Variants in MERTK observed in about 807,000 individuals in gnomAD.
The protein encoded by MERTK is tyrosine-protein kinase Mer.
In MERTK, 69 loss-of-function variants were observed where a neutral mutation model predicts 99.3. That is an observed-to-expected ratio of 0.70 (90% CI 0.57 to 0.85). The LOEUF is 0.85. Among genes scored for constraint, MERTK ranks in the 40% least tolerant of loss-of-function variants. MERTK has a pLI of 0.00. For synonymous variants in MERTK, 426 were observed against 467.6 expected (o/e 0.91, Z 1.15); for missense variants, 1,125 against 1,249.4 (o/e 0.90, Z 1.50).
chr2:112,012,211 G>C (rs1173809072), intron 15 of MERTK, among the ~76,000 whole-genome samples: 1 of 152,080 alleles, frequency 6.6e-6, no homozygotes, highest in Non-Finnish European at 1.5e-5. Flanking sequence ...ATTGTGCAGA[G>C]AAATGTGCAT....
At chr2:111,927,438 T>C (rs2104684483) in intron 1 of MERTK, among the ~76,000 whole-genome samples, 1 of 152,326 alleles carries the variant, frequency 6.6e-6, no homozygotes, top group East Asian at 1.9e-4. Flanking sequence ...GCCAATTAAA[T>C]ACTTAACTGA....
At chr2:111,901,954 G>T (rs1049011191) in intron 1 of MERTK, among the ~76,000 whole-genome samples, 1 of 151,890 alleles carries the variant, frequency 6.6e-6, no homozygotes, top group African/African-American at 2.4e-5. Flanking sequence ...GCACAATCTC[G>T]GCTCACCGCA....
chr2:111,999,177 A>G (rs1231593173), intron 10 of MERTK, among the ~76,000 whole-genome samples: 5 of 152,214 alleles, frequency 3.3e-5, no homozygotes, highest in Admixed American at 3.3e-4. Context: ...TAATCTATGT[A>G]CCTAAGGTAA....
intron 15 of MERTK, 82 bp downstream of exon 15, chr2:112,010,148 A>G: frequency 9.3e-7 from 1 of 1,073,814 alleles, no homozygotes; most frequent in Non-Finnish European, 1.4e-6. Context: ...TCTAATCTTG[A>G]AAGTGAAGCC....
intron 15 of MERTK, among the ~76,000 whole-genome samples, chr2:112,014,938 C>T (rs1677187905): frequency 6.6e-6 from 1 of 152,162 alleles, no homozygotes; most frequent in Non-Finnish European, 1.5e-5. Context: ...TGCACCCGGC[C>T]ATTTTATAAC....
chr2:112,017,504 C>G (rs1238095724), intron 15 of MERTK, among the ~76,000 whole-genome samples: 1 of 152,040 alleles, frequency 6.6e-6, no homozygotes, highest in Non-Finnish European at 1.5e-5. Context: ...GTGGTGCATG[C>G]CTGTAATACC....
chr2:111,929,088 A>G, intron 1 of MERTK, 32 bp from the exon 2 acceptor site: 8 of 1,613,940 alleles, frequency 5.0e-6, no homozygotes, highest in Non-Finnish European at 6.8e-6. Context: ...TTCTTATTTA[A>G]AAGGCTAAAA....
intron 13 of MERTK, 62 bp downstream of exon 13, chr2:112,004,046 T>A: frequency 7.2e-7 from 1 of 1,388,030 alleles, no homozygotes; most frequent in East Asian, 2.3e-5. Context: ...TATTGGGTGC[T>A]CCATGAGGCC....
intron 7 of MERTK, among the ~76,000 whole-genome samples, chr2:111,982,625 T>C (rs896108100): frequency 7.9e-5 from 12 of 152,214 alleles, no homozygotes. Context: ...GAAATGAATT[T>C]CTAGGCTTCA....
chr2:111,930,476 A>C (rs1684650466), intron 2 of MERTK: 1 of 152,044 alleles, frequency 6.6e-6, no homozygotes, highest in African/African-American at 2.4e-5. Context: ...AAAAAAAAAA[A>C]ACCCCCAAAA....
intron 1 of MERTK, among the ~76,000 whole-genome samples, chr2:111,910,610 G>GTGTATATATA (rs370882764): frequency 1.4e-5 from 2 of 143,588 alleles, no homozygotes; most frequent in Non-Finnish European, 3.0e-5. Context: ...GTGTGTGTGT[G>GTGTATATATA]TATATATATA....
chr2:111,920,645 T>TTTTA (rs961773115), intron 1 of MERTK, among the ~76,000 whole-genome samples: 36 of 152,018 alleles, frequency 2.4e-4, no homozygotes, highest in South Asian at 4.2e-4. Flanking sequence ...CTACTCTTTA[T>TTTTA]TTTATTTATT....
intron 18 of MERTK, among the ~76,000 whole-genome samples, chr2:112,024,644 T>G (rs1267256392): frequency 1.3e-5 from 2 of 152,208 alleles, no homozygotes; most frequent in Non-Finnish European, 2.9e-5. Flanking sequence ...TAAAATGAAC[T>G]CAGGCTGAGT....
At chr2:112,002,229 T>G (rs1327245370) in intron 11 of MERTK, among the ~76,000 whole-genome samples, 2 of 152,052 alleles carry the variant, frequency 1.3e-5, no homozygotes, top group Non-Finnish European at 2.9e-5. Flanking sequence ...TATATTTTAT[T>G]ATAGAAAAAT....
intron 1 of MERTK, among the ~76,000 whole-genome samples, chr2:111,908,610 T>C (rs1261677925): frequency 6.6e-6 from 1 of 152,214 alleles, no homozygotes; most frequent in Non-Finnish European, 1.5e-5. Context: ...TCAGTTACAT[T>C]TGATTGCATA....
In MERTK at chr2:111,898,813, G is replaced by T; in HGVS notation, c.61+17G>T. The stretch of plus-strand genomic sequence containing the variant: ...GGCGTAGAGGTGAGTGCGCCCGGCT[G>T]GGGGCCAGGCGAGGGGGTGGGGGCT... On this transcript the variant is annotated intron_variant, in intron 1 of 18. Transcript: ENST00000295408. 6.3e-7 allele frequency: 1 copy of T among 1,579,724 alleles called. No homozygotes were observed.
chr2:112,012,736 A>G (rs1324326690), intron 15 of MERTK, among the ~76,000 whole-genome samples: 1 of 152,128 alleles, frequency 6.6e-6, no homozygotes, highest in Non-Finnish European at 1.5e-5. Flanking sequence ...GAACTTAATA[A>G]CCACAAGTCA....
At position 111,944,533 on chromosome 2, in the gene MERTK, A is replaced by ATTCCTTAAAATAATTCTTCT. The variant is rs1265922025; in HGVS notation, c.483-427_483-426insTTCCTTAAAATAATTCTTCT. Among the ~76,000 whole-genome samples, 2 of 151,258 alleles carry ATTCCTTAAAATAATTCTTCT rather than the reference A, an allele frequency of 1.3e-5. 1 individual carries two copies. ...AATAATTCCTCTGTTTTAAGGAATT[A>ATTCCTTAAAATAATTCTTCT]GCTCACACACAGTGGGGGCTGACAA... On this transcript the variant is annotated intron_variant, in intron 2 of 18. Coordinates refer to ENST00000295408, the MANE Select transcript of MERTK (RefSeq NM_006343.3).
At chr2:111,905,595 G>A (rs1322177337) in intron 1 of MERTK, among the ~76,000 whole-genome samples, 2 of 151,754 alleles carry the variant, frequency 1.3e-5, no homozygotes, top group African/African-American at 4.8e-5. Context: ...AGCCTCCCGA[G>A]TAGCTGGGAT....
Sources: gnomAD v4.1 joint callset for allele counts (sites outside exome capture counted in the v4.1 genomes callset) on GRCh38, gnomAD v4.1.1 for gene constraint, MANE v1.5 for transcripts, NCBI Gene and HGNC (gene_info 2026-07-23, HGNC 2026-07-21) for gene names.